Variants in STPG2 observed in about 807,000 individuals in gnomAD.
STPG2 encodes the protein sperm tail PG-rich repeat containing 2.
A neutral mutation model predicts 54.2 loss-of-function variants in STPG2; 56 were observed. That is an observed-to-expected ratio of 1.03 (90% CI 0.83 to 1.29). The LOEUF (loss-of-function observed/expected upper bound fraction) is 1.29. STPG2 is among the 50% of genes most tolerant of loss of function. The pLI, the probability that STPG2 is intolerant of heterozygous loss-of-function variation, is 0.00. For missense variants in STPG2, 596 were observed against 544.9 expected (o/e 1.09, Z -0.93); for synonymous variants, 200 against 181.8 (o/e 1.10, Z -0.81).
chr4:97,518,478 A>T (rs1225637534), intron 4 of STPG2, among the ~76,000 whole-genome samples: 1 of 152,130 alleles, frequency 6.6e-6, no homozygotes, highest in African/African-American at 2.4e-5. Context: ...AAACCCTATG[A>T]CTTACTGGCA....
chr4:98,005,875 G>A (rs1735563110), intron 5 of STPG2, among the ~76,000 whole-genome samples: 1 of 152,052 alleles, frequency 6.6e-6, no homozygotes, highest in Non-Finnish European at 1.5e-5. Context: ...GGATAATTCT[G>A]GGCTAACAAA....
At chr4:97,541,525 C>T (rs878861690) in intron 4 of STPG2, among the ~76,000 whole-genome samples, 2 of 152,072 alleles carry the variant, frequency 1.3e-5, no homozygotes, top group Non-Finnish European at 2.9e-5. Context: ...GAATCAGTAT[C>T]GTGAAAATGG....
intron 4 of STPG2, among the ~76,000 whole-genome samples, chr4:97,447,348 C>T (rs1729249169): frequency 6.6e-6 from 1 of 152,158 alleles, no homozygotes; most frequent in Admixed American, 6.5e-5. Flanking sequence ...AAGCCATCTG[C>T]AGAAATTTGC....
At chr4:97,991,754 C>G (rs892261634) in intron 5 of STPG2, among the ~76,000 whole-genome samples, 4 of 152,066 alleles carry the variant, frequency 2.6e-5, no homozygotes, top group Admixed American at 6.6e-5. Flanking sequence ...TCACCACATC[C>G]ATGCCAACAT....
At chr4:97,714,992 A>T (rs1000736231) in intron 9 of STPG2, among the ~76,000 whole-genome samples, 1 of 152,110 alleles carries the variant, frequency 6.6e-6, no homozygotes, top group African/African-American at 2.4e-5. Flanking sequence ...AAAGAAAAGA[A>T]ATTATTCAAA....
chr4:98,065,796 T>G (rs1297567251), intron 5 of STPG2, among the ~76,000 whole-genome samples: 1 of 152,146 alleles, frequency 6.6e-6, no homozygotes, highest in Non-Finnish European at 1.5e-5. Context: ...AAACAGGGCC[T>G]GAGCTAAATT....
intron 9 of STPG2, among the ~76,000 whole-genome samples, chr4:97,738,650 A>C (rs1725109704): frequency 6.6e-6 from 1 of 152,210 alleles, no homozygotes. Flanking sequence ...TCAATTCAAC[A>C]AGAAGAGCTA....
At chr4:97,958,363 T>A (rs1470070078) in intron 7 of STPG2, among the ~76,000 whole-genome samples, 1 of 151,548 alleles carries the variant, frequency 6.6e-6, no homozygotes, top group African/African-American at 2.4e-5. Context: ...ACAAATAGCA[T>A]GATAAATGGA....
chr4:97,566,732 G>A (rs1030692386), intron 10 of STPG2, among the ~76,000 whole-genome samples: 6 of 151,852 alleles, frequency 4.0e-5, no homozygotes, highest in Non-Finnish European at 7.4e-5. Flanking sequence ...GTCCTTTGTA[G>A]GGACATGGAT....
intron 7 of STPG2, among the ~76,000 whole-genome samples, chr4:97,949,969 G>A (rs186890008): frequency 7.9e-5 from 12 of 152,010 alleles, no homozygotes; most frequent in Admixed American, 6.6e-4. Context: ...GCAAGGCCAG[G>A]GAAGTTTTCC....
chr4:97,994,190 A>AT (rs1735121912), intron 5 of STPG2, among the ~76,000 whole-genome samples: 1 of 152,120 alleles, frequency 6.6e-6, no homozygotes, highest in Admixed American at 6.6e-5. Context: ...AGTTCAAAGA[A>AT]TTTTTTAATT....
intron 7 of STPG2, among the ~76,000 whole-genome samples, chr4:97,967,185 C>CA (rs58042990): frequency 0.32 from 33,900 of 107,040 alleles, 5,481 homozygotes; most frequent in Non-Finnish European, 0.36. Context: ...AAATGGTAAG[C>CA]AAAAAAAAAA....
At chr4:98,024,031 A>C (rs1259196159) in intron 5 of STPG2, among the ~76,000 whole-genome samples, 1 of 151,902 alleles carries the variant, frequency 6.6e-6, no homozygotes, top group East Asian at 1.9e-4. Context: ...AGTTCGCTGC[A>C]CCCACTGTCC....
At chr4:97,798,608 T>C (rs1056628727) in intron 9 of STPG2, among the ~76,000 whole-genome samples, 9 of 146,826 alleles carry the variant, frequency 6.1e-5, no homozygotes, top group African/African-American at 2.3e-4. Flanking sequence ...TCCAACTCTG[T>C]GGTCAATTTT....
In STPG2 at chr4:97,570,688, C is replaced by T. The variant is rs527576100; in HGVS notation, c.1321-11571G>A. ...GGAATCTACATTAACAAGGTTTACT[C>T]ACTAACCTTTATCTACCACTTATTA... is the stretch of plus-strand genomic sequence containing the variant. On this transcript the variant is annotated intron_variant, in intron 10 of 10. Transcript: ENST00000295268. Among the ~76,000 whole-genome samples, 8 of 152,222 alleles carry T rather than the reference C, an allele frequency of 5.3e-5. No individual in the cohort carries two copies. The South Asian group carries it at 1.7e-3, about 32-fold the overall frequency.
At chr4:97,530,483 T>TG (rs1213953875) in intron 4 of STPG2, among the ~76,000 whole-genome samples, 2 of 152,046 alleles carry the variant, frequency 1.3e-5, no homozygotes, top group Non-Finnish European at 2.9e-5. Flanking sequence ...AGGGAAATTT[T>TG]GTTTGAAAAC....
chr4:98,013,302 TAC>T (rs1048666376), intron 5 of STPG2, among the ~76,000 whole-genome samples: 2 of 152,036 alleles, frequency 1.3e-5, no homozygotes, highest in African/African-American at 4.8e-5. Flanking sequence ...GGATGGAACC[TAC>T]TTGTGGTGGA....
intron 8 of STPG2, among the ~76,000 whole-genome samples, chr4:97,879,181 G>A (rs1037125305): frequency 1.3e-5 from 2 of 152,164 alleles, no homozygotes; most frequent in Non-Finnish European, 2.9e-5. Flanking sequence ...CAAGTCTCTA[G>A]GAAGTTCCAA....
intron 5 of STPG2, among the ~76,000 whole-genome samples, chr4:97,984,374 A>T (rs897193547): frequency 1.3e-4 from 20 of 152,084 alleles, no homozygotes; most frequent in African/African-American, 4.8e-4. Context: ...CAAACTGCTG[A>T]CCTCAAGTAA....
Sources: allele counts gnomAD v4.1 joint callset (sites outside exome capture counted in the v4.1 genomes callset), GRCh38; gene constraint gnomAD v4.1.1; transcripts MANE v1.5; gene names NCBI Gene and HGNC (gene_info 2026-07-23, HGNC 2026-07-21).